The following RPL34 variants were observed in gnomAD, a reference collection of about 807,000 sequenced individuals.
RPL34 encodes ribosomal protein L34, also known as large ribosomal subunit protein eL34.
Under a neutral mutation model 16.3 loss-of-function variants are expected in RPL34, and 2 were observed. The observed-to-expected ratio is 0.12, with a 90% confidence interval of 0.05 to 0.39. The LOEUF (loss-of-function observed/expected upper bound fraction) is 0.39. RPL34 is among the 10% of genes least tolerant of loss of function. RPL34 has a pLI of 0.99. For synonymous variants in RPL34, 47 were observed against 48.5 expected (o/e 0.97, Z 0.13); for missense variants, 82 against 148.8 (o/e 0.55, Z 2.33).
chr4:108,624,222 G>C (rs1049165459), intron 4 of RPL34, among the ~76,000 whole-genome samples: 1 of 152,194 alleles, frequency 6.6e-6, no homozygotes, highest in Non-Finnish European at 1.5e-5. Flanking sequence ...TGCTGAGCAG[G>C]TCTGCATGTG....
chr4:108,620,748 G>A (rs1256719902), intron 1 of RPL34, 148 bp downstream of exon 1: 1 of 155,132 alleles, frequency 6.4e-6, no homozygotes, highest in African/African-American at 2.4e-5. Context: ...TGGTGAGGAA[G>A]TTCCTTACTT....
At chr4:108,622,048 G>A in intron 2 of RPL34, 24 bp downstream of exon 2, 2 of 1,601,284 alleles carry the variant, frequency 1.2e-6, no homozygotes, top group South Asian at 2.2e-5. Context: ...AAAATTTTAA[G>A]TATATATTGT....
chr4:108,624,067 T>C (rs1392281594), intron 4 of RPL34, among the ~76,000 whole-genome samples: 2 of 151,940 alleles, frequency 1.3e-5, no homozygotes, highest in East Asian at 1.9e-4. Context: ...TGGCTTTTTT[T>C]CCCCCAGTCT....
chr4:108,627,667 G>A (rs1266188799), downstream of RPL34, among the ~76,000 whole-genome samples: 2 of 152,024 alleles, frequency 1.3e-5, no homozygotes, highest in Admixed American at 6.5e-5. Flanking sequence ...TTCGAGACCA[G>A]CCTGACCAGT....
intron 4 of RPL34, among the ~76,000 whole-genome samples, 169 bp from the exon 5 acceptor site, chr4:108,624,959 C>G (rs72893178): frequency 0.021 from 3,197 of 152,200 alleles, 112 homozygotes; most frequent in African/African-American, 0.073. Context: ...GATTATCCTG[C>G]TTTAAATGAA....
At chr4:108,628,377 C>A (rs1429599010), downstream of RPL34, among the ~76,000 whole-genome samples, 2 of 152,122 alleles carry the variant, frequency 1.3e-5, no homozygotes, top group African/African-American at 4.8e-5. Context: ...TTGATATAAC[C>A]ATCTAAAAAT....
chr4:108,621,604 C>A, intron 1 of RPL34: 1 of 254,282 alleles, frequency 3.9e-6, no homozygotes, highest in Non-Finnish European at 7.9e-6. Context: ...GACTTCAGAG[C>A]TCACTTTTTG....
At chr4:108,628,882 A>T (rs1726096933), downstream of RPL34, among the ~76,000 whole-genome samples, 1 of 152,114 alleles carries the variant, frequency 6.6e-6, no homozygotes, top group African/African-American at 2.4e-5. Flanking sequence ...GAGTGCAGTG[A>T]CGCGATCTCA....
chr4:108,624,548 C>A (rs1220792772), intron 4 of RPL34, among the ~76,000 whole-genome samples: 6 of 152,174 alleles, frequency 3.9e-5, no homozygotes, highest in Non-Finnish European at 7.4e-5. Context: ...TCTAGAAAAT[C>A]TTTCCAAATT....
downstream of RPL34, among the ~76,000 whole-genome samples, chr4:108,628,150 C>T (rs1375215884): frequency 6.6e-6 from 1 of 152,178 alleles, no homozygotes; most frequent in Non-Finnish European, 1.5e-5. Flanking sequence ...GATTGAGATA[C>T]ATTAGCTTTC....
chr4:108,621,644 A>T, intron 1 of RPL34: 1 of 304,944 alleles, frequency 3.3e-6, no homozygotes, highest in Non-Finnish European at 6.4e-6. Context: ...TGTTTCTCCA[A>T]CTGGGCTCGT....
chr4:108,622,252 T>G, intron 3 of RPL34, 48 bp downstream of exon 3: 1 of 1,300,558 alleles, frequency 7.7e-7, no homozygotes, highest in South Asian at 1.2e-5. Flanking sequence ...TTGAACTTAC[T>G]GAGCTTTCAT....
chr4:108,621,744 A>G, intron 1 of RPL34: 1 of 499,370 alleles, frequency 2.0e-6, no homozygotes, highest in Admixed American at 3.2e-5. Context: ...ACGTTTGATT[A>G]CCATCAGGAA....
At chr4:108,626,706 T>C (rs979334272), downstream of RPL34, among the ~76,000 whole-genome samples, 3 of 152,112 alleles carry the variant, frequency 2.0e-5, no homozygotes, top group African/African-American at 7.2e-5. Context: ...CCCAAAGTGC[T>C]GAGATTACAG....
chr4:108,628,885 C>T (rs977330898), downstream of RPL34, among the ~76,000 whole-genome samples: 1 of 152,124 alleles, frequency 6.6e-6, no homozygotes, highest in Non-Finnish European at 1.5e-5. Flanking sequence ...TGCAGTGACG[C>T]GATCTCAGCT....
At chr4:108,622,663 T>C (rs1319128833) in intron 4 of RPL34, 45 bp downstream of exon 4, 2 of 1,186,944 alleles carry the variant, frequency 1.7e-6, no homozygotes, top group Non-Finnish European at 2.4e-6. Context: ...AATTATTGTG[T>C]GTGTTATACT....
chr4:108,629,792 A>G (rs1229293681), downstream of RPL34, among the ~76,000 whole-genome samples: 1 of 152,210 alleles, frequency 6.6e-6, no homozygotes, highest in African/African-American at 2.4e-5. Flanking sequence ...TTGTTTTAGC[A>G]ACTTAATAAC....
intron 1 of RPL34, 41 bp from the exon 2 acceptor site, chr4:108,621,910 T>C (rs752205934): frequency 7.5e-6 from 10 of 1,342,190 alleles, no homozygotes; most frequent in Non-Finnish European, 7.5e-6. Context: ...TTATTTACTT[T>C]TACAATGGAA....
At chr4:108,621,551 C>T (rs1398676282) in intron 1 of RPL34, 2 of 228,732 alleles carry the variant, frequency 8.7e-6, no homozygotes, top group East Asian at 1.1e-4. Flanking sequence ...GAGGCTAGCT[C>T]CTTGCCCTTT....
Sources: allele counts gnomAD v4.1 joint callset (sites outside exome capture counted in the v4.1 genomes callset), GRCh38; gene constraint gnomAD v4.1.1; transcripts MANE v1.5; gene names NCBI Gene and HGNC (gene_info 2026-07-23, HGNC 2026-07-21).